Variants in APBB2 observed in about 807,000 individuals in gnomAD.
APBB2 encodes the protein Fe65-like 1.
Under a neutral mutation model 82.5 loss-of-function variants are expected in APBB2, and 38 were observed. The observed-to-expected ratio is 0.46, with a 90% CI of 0.36 to 0.60. The LOEUF is 0.60. Among genes scored for constraint, APBB2 ranks in the 20% least tolerant of loss-of-function variants. APBB2 has a pLI of 0.00. For synonymous variants in APBB2, 341 were observed against 368.2 expected (o/e 0.93, Z 0.85); for missense variants, 772 against 972.3 (o/e 0.79, Z 2.74).
At chr4:41,140,547 G>T (rs975207827) in intron 2 of APBB2, among the ~76,000 whole-genome samples, 3 of 152,150 alleles carry the variant, frequency 2.0e-5, no homozygotes, top group Non-Finnish European at 4.4e-5. Flanking sequence ...TTGTCACACT[G>T]CATGTCAGTC....
At chr4:41,176,961 C>G (rs943319658) in intron 1 of APBB2, among the ~76,000 whole-genome samples, 3 of 146,900 alleles carry the variant, frequency 2.0e-5, no homozygotes, top group African/African-American at 7.5e-5. Context: ...ATATATTACA[C>G]AAATGCAATT....
chr4:41,134,462 T>C (rs1274161039), intron 2 of APBB2, among the ~76,000 whole-genome samples: 4 of 152,092 alleles, frequency 2.6e-5, no homozygotes, highest in African/African-American at 9.7e-5. Context: ...CGGGTGCCTG[T>C]AGTCCCAGCC....
intron 4 of APBB2, among the ~76,000 whole-genome samples, chr4:41,060,005 T>C (rs1729252780): frequency 6.6e-6 from 1 of 150,652 alleles, no homozygotes; most frequent in Non-Finnish European, 1.5e-5. Flanking sequence ...ATAATAATAA[T>C]AACAATAACA....
chr4:41,168,700 G>A (rs28611785), intron 1 of APBB2, among the ~76,000 whole-genome samples: 13,670 of 152,130 alleles, frequency 0.09, 898 homozygotes, highest in African/African-American at 0.2. Context: ...ATAGAACCAC[G>A]GCCCTGATCA....
At chr4:41,024,303 C>T (rs952993185) in intron 5 of APBB2, among the ~76,000 whole-genome samples, 103 of 152,068 alleles carry the variant, frequency 6.8e-4, no homozygotes, top group African/African-American at 2.4e-3. Context: ...ACACCAAAAG[C>T]GATCAAAACA....
At chr4:40,895,075 T>A (rs765556180) in intron 10 of APBB2, among the ~76,000 whole-genome samples, 2 of 152,094 alleles carry the variant, frequency 1.3e-5, no homozygotes, top group African/African-American at 4.8e-5. Flanking sequence ...TACAGCAAAG[T>A]GTCCTGAAGT....
intron 6 of APBB2, among the ~76,000 whole-genome samples, chr4:40,964,751 T>TG: frequency 1.7e-4 from 1 of 5,794 alleles, no homozygotes; most frequent in Admixed American, 2.2e-3. Flanking sequence ...ACCCATTGAA[T>TG]AAACACACAC....
chr4:41,033,550 C>A (rs1717870276), intron 4 of APBB2, among the ~76,000 whole-genome samples: 1 of 146,258 alleles, frequency 6.8e-6, no homozygotes, highest in African/African-American at 2.5e-5. Flanking sequence ...GCCTTACCTA[C>A]CTTTCTGTCT....
At chr4:41,168,500 A>C (rs1188198374) in intron 1 of APBB2, among the ~76,000 whole-genome samples, 3 of 152,014 alleles carry the variant, frequency 2.0e-5, no homozygotes, top group African/African-American at 7.2e-5. Flanking sequence ...CACCATGCCC[A>C]GCGAAGTCAA....
At chr4:40,881,183 A>C (rs954448604) in intron 12 of APBB2, 43 of 985,324 alleles carry the variant, frequency 4.4e-5, no homozygotes, top group Non-Finnish European at 4.7e-5. Context: ...AGCTGCATTA[A>C]AGAGAAATTA....
intron 6 of APBB2, among the ~76,000 whole-genome samples, chr4:40,946,254 A>AAGAAAAAAAAAAAC (rs1553875174): frequency 8.7e-6 from 1 of 114,560 alleles, no homozygotes; most frequent in Non-Finnish European, 1.8e-5. Flanking sequence ...AAAAAAAAAA[A>AAGAAAAAAAAAAAC]CATTCCCAAG....
In APBB2 at chr4:40,893,330, TG is replaced by T; in HGVS notation, c.1335del (p.Asn445LysfsTer29). 6.2e-7 allele frequency: 1 copy of T among 1,613,770 alleles called. No homozygotes were observed. Among genetic ancestry groups the T allele is most frequent in the Non-Finnish European group, 8.5e-7 (1 of 1,179,894 alleles). ...LAPGKSSVAV[N>X]NCIRQLSYCK... The stretch of plus-strand genomic sequence containing the variant: ...CAGTAGGAAAGTTGCCTGATGCAGT[TG>T]TTGACCGCAACACTACTTTTACCGG... On this transcript the variant is annotated frameshift_variant, in exon 11 of 18. Transcript: ENST00000508593. LOFTEE classifies it high-confidence loss of function.
At chr4:41,077,735 G>T (rs1442890884) in intron 3 of APBB2, among the ~76,000 whole-genome samples, 1 of 152,132 alleles carries the variant, frequency 6.6e-6, no homozygotes, top group Non-Finnish European at 1.5e-5. Flanking sequence ...CAGGCAATGT[G>T]CCTCCCCAAA....
chr4:40,948,760 TAAAAAAAAAAA>T lies in APBB2; in HGVS notation c.836-3698_836-3688del, dbSNP rs34662232. Among the ~76,000 whole-genome samples, 3 of 83,358 alleles carry T rather than the reference TAAAAAAAAAAA, an allele frequency of 3.6e-5. No homozygotes were observed. In the East Asian group the frequency reaches 1.0e-3, roughly 28 times the overall value. The allele number at this position is 83,358 out of a possible 152,430, so 54.7% of individuals were successfully genotyped here. A position where few individuals can be genotyped will look rare whatever the true frequency, so the allele number is the denominator to read the frequency against. On this transcript the variant is annotated intron_variant, in intron 6 of 17. Coordinates refer to ENST00000508593, the MANE Select transcript of APBB2 (RefSeq NM_004307.2). ...GGGTGACAGAGTGAGACTCCCATCT[TAAAAAAAAAAA>T]AAAAAAAAAAAAGAGCCTAATGTGG...
chr4:40,887,573 A>G (rs1418665070), intron 12 of APBB2, among the ~76,000 whole-genome samples: 1 of 152,218 alleles, frequency 6.6e-6, no homozygotes, highest in African/African-American at 2.4e-5. Flanking sequence ...AAAGCAAAGG[A>G]AAGTAAAAAA....
chr4:40,842,486 C>G, intron 12 of APBB2: 1 of 386,842 alleles, frequency 2.6e-6, no homozygotes, highest in Non-Finnish European at 5.4e-6. Context: ...ACTGACAGCT[C>G]ATCTAATTTC....
intron 6 of APBB2, among the ~76,000 whole-genome samples, chr4:41,001,007 G>A (rs1805068880): frequency 6.6e-6 from 1 of 152,320 alleles, no homozygotes; most frequent in East Asian, 1.9e-4. Context: ...GAGAGCAAGG[G>A]ATGAATGGAA....
rs926648595 is a variant in APBB2, at chr4:41,170,920, A to G, written c.-416-27778T>C. 9.2e-5 allele frequency among the ~76,000 whole-genome samples: 14 copies of G among 152,380 alleles called. No homozygotes were observed. The East Asian group carries it at 2.5e-3, about 27-fold the overall frequency. On this transcript the variant is annotated intron_variant, in intron 1 of 17. Coordinates refer to ENST00000508593, the MANE Select transcript of APBB2 (RefSeq NM_004307.2). ...TAAAGAAGTTAAAATAAGGAAGGGT[A>G]TGGATCAATAAAAAGGAGGCCTAAA...
At chr4:41,150,817 T>C (rs957702835) in intron 1 of APBB2, among the ~76,000 whole-genome samples, 3 of 152,198 alleles carry the variant, frequency 2.0e-5, no homozygotes, top group African/African-American at 7.2e-5. Context: ...CTCAGCTTAC[T>C]GCAACCTCCA....
Sources: allele counts gnomAD v4.1 joint callset (sites outside exome capture counted in the v4.1 genomes callset), GRCh38; gene constraint gnomAD v4.1.1; transcripts MANE v1.5; gene names NCBI Gene and HGNC (gene_info 2026-07-23, HGNC 2026-07-21).